PCLO: variants seen among roughly 807,000 people sequenced by gnomAD.
The protein encoded by PCLO is protein piccolo.
Under a neutral mutation model 427.5 loss-of-function variants are expected in PCLO, and 82 were observed. The observed-to-expected ratio is 0.19, with a 90% CI of 0.16 to 0.23. PCLO has a LOEUF of 0.23. Ranked by LOEUF, PCLO falls within the 10% of genes least tolerant of loss-of-function variation. The pLI is 1.00. For synonymous variants in PCLO, 2,357 were observed against 2,155.4 expected (o/e 1.09, Z -2.59); for missense variants, 6,239 against 6,115.9 (o/e 1.02, Z -0.67).
intron 3 of PCLO, among the ~76,000 whole-genome samples, chr7:83,066,788 A>C (rs769280213): frequency 3.9e-5 from 6 of 152,172 alleles, no homozygotes; most frequent in Non-Finnish European, 7.4e-5. Context: ...GGAAAAATAA[A>C]AATAATACGG....
chr7:82,794,924 T>C (rs1392281177), intron 22 of PCLO, among the ~76,000 whole-genome samples: 2 of 152,242 alleles, frequency 1.3e-5, no homozygotes, highest in East Asian at 3.9e-4. Flanking sequence ...GCTTTTATTT[T>C]TGGTTTATTT....
chr7:82,895,438 C>T (rs367692757), intron 9 of PCLO, among the ~76,000 whole-genome samples: 5 of 151,442 alleles, frequency 3.3e-5, no homozygotes, highest in African/African-American at 9.7e-5. Flanking sequence ...TAACTAACTA[C>T]AAAATAAATG....
intron 22 of PCLO, among the ~76,000 whole-genome samples, chr7:82,800,793 G>A (rs1046742149): frequency 5.3e-5 from 8 of 151,590 alleles, no homozygotes; most frequent in Non-Finnish European, 7.4e-5. Flanking sequence ...ATGGGGTTTC[G>A]CCATGTTGGT....
At chr7:83,070,751 A>C (rs28651465) in intron 3 of PCLO, among the ~76,000 whole-genome samples, 35,663 of 152,078 alleles carry the variant, frequency 0.23, 4,752 homozygotes, top group East Asian at 0.55. Flanking sequence ...CACACTAAAC[A>C]GTGACAACAG....
chr7:82,852,828 C>T (rs1484041722), intron 10 of PCLO, among the ~76,000 whole-genome samples: 1 of 152,012 alleles, frequency 6.6e-6, no homozygotes, highest in Admixed American at 6.6e-5. Flanking sequence ...TTATTCTCTC[C>T]AACTGTATTT....
intron 3 of PCLO, among the ~76,000 whole-genome samples, chr7:83,112,269 G>T (rs1172741777): frequency 6.6e-6 from 1 of 152,068 alleles, no homozygotes; most frequent in Non-Finnish European, 1.5e-5. Flanking sequence ...TGTTGGTCAG[G>T]CTGGTCTCGA....
chr7:83,083,620 T>A (rs10264158), intron 3 of PCLO, among the ~76,000 whole-genome samples: 3,621 of 152,056 alleles, frequency 0.024, 151 homozygotes, highest in African/African-American at 0.083. Context: ...ATGGATAAAT[T>A]ATAATCACCA....
intron 4 of PCLO, among the ~76,000 whole-genome samples, chr7:82,964,577 G>T (rs1795723023): frequency 2.0e-5 from 3 of 152,116 alleles, no homozygotes; most frequent in Non-Finnish European, 4.4e-5. Flanking sequence ...AGTCAAAGTA[G>T]ATTTCATAAA....
chr7:82,789,436 T>G (rs1791053030), intron 22 of PCLO, among the ~76,000 whole-genome samples: 1 of 152,210 alleles, frequency 6.6e-6, no homozygotes, highest in Admixed American at 6.5e-5. Flanking sequence ...CCAGGCACAG[T>G]GGCTCATGCC....
chr7:83,160,305 T>A lies in PCLO; in HGVS notation c.248+2040A>T, dbSNP rs181355711. Among the ~76,000 whole-genome samples the A allele has an allele frequency of 5.1e-3, 776 of 152,236 alleles. 7 individuals carry two copies. Among genetic ancestry groups the A allele is most frequent in the African/African-American group, 0.018 (734 of 41,574 alleles). On this transcript the variant is annotated intron_variant, in intron 1 of 24. Transcript: ENST00000333891. ...ATAGGATAAAAACCCATGCTGTCAA[T>A]CTTTATTTTTAAAATTCTATGTTCA...
In PCLO at chr7:82,916,847, G is replaced by A. The variant is rs987999926; in HGVS notation, c.11139C>T (p.Ser3713=). The change falls in exon 7 of 25, where the codon TCC becomes TCT. Residue 3713 remains serine, a synonymous_variant. Coordinates refer to ENST00000333891, the MANE Select transcript of PCLO (RefSeq NM_033026.6). Reference sequence around the variant, plus strand: ...TTTTAACTTTTTTCTGGGCTCCAGAGGATGTCATGGTTTGAGAACCTTTAG... The same window carrying A: ...TTTTAACTTTTTTCTGGGCTCCAGAAGATGTCATGGTTTGAGAACCTTTAG... ...YTTKGSQTMT[S]SGAQKKVKRT... 6.2e-7 allele frequency: 1 copy of A among 1,612,852 alleles called. No individual in the cohort carries two copies. The highest frequency in any genetic ancestry group is 8.5e-7 in the Non-Finnish European group (1 of 1,179,284).
At chr7:82,974,178 G>A (rs1472291621) in intron 3 of PCLO, among the ~76,000 whole-genome samples, 3 of 151,302 alleles carry the variant, frequency 2.0e-5, no homozygotes, top group East Asian at 3.9e-4. Flanking sequence ...CTTGAGGTCA[G>A]GAGTTTGAGA....
At chr7:82,819,242 T>C (rs1251004513) in intron 20 of PCLO, among the ~76,000 whole-genome samples, 1 of 152,106 alleles carries the variant, frequency 6.6e-6, no homozygotes, top group African/African-American at 2.4e-5. Flanking sequence ...TTCCTTTCAA[T>C]TATGATTTTA....
chr7:82,980,325 G>T (rs1442791164), intron 3 of PCLO, among the ~76,000 whole-genome samples: 1 of 152,116 alleles, frequency 6.6e-6, no homozygotes, highest in African/African-American at 2.4e-5. Context: ...CATTGCAGGA[G>T]TGGTGTCACC....
intron 2 of PCLO, among the ~76,000 whole-genome samples, chr7:83,137,221 T>C (rs750306218): frequency 6.6e-6 from 1 of 152,238 alleles, no homozygotes; most frequent in Non-Finnish European, 1.5e-5. Flanking sequence ...CTAAACATTT[T>C]AAAACTTCTT....
At chr7:83,084,323 G>T (rs914562267) in intron 3 of PCLO, among the ~76,000 whole-genome samples, 1 of 151,972 alleles carries the variant, frequency 6.6e-6, no homozygotes, top group Non-Finnish European at 1.5e-5. Flanking sequence ...TAAGGCTCAA[G>T]TATATAAAAA....
chr7:82,915,271 C>T lies in PCLO; in HGVS notation c.12715G>A (p.Asp4239Asn). The change falls in exon 7 of 25, where the codon GAT becomes AAT. Residue 4239 changes from aspartate to asparagine, a missense_variant. By Grantham distance (23) the Asp-to-Asn change is conservative (BLOSUM62 1). Transcript: ENST00000333891. ...GISSRARLLQDDITFGLRKNI... is the reference protein window; with the variant it reads ...GISSRARLLQNDITFGLRKNI... ...TTTCTGAGGCCAAAAGTGATGTCATCTTGAAGGAGCCTTGCCCTGGAGGAA... is the reference window on the plus strand; with the variant it reads ...TTTCTGAGGCCAAAAGTGATGTCATTTTGAAGGAGCCTTGCCCTGGAGGAA... The T allele has an allele frequency of 6.2e-7, 1 of 1,613,596 alleles. No individual in the cohort carries two copies. Among genetic ancestry groups the T allele is most frequent in the Non-Finnish European group, 8.5e-7 (1 of 1,179,736 alleles).
intron 22 of PCLO, among the ~76,000 whole-genome samples, chr7:82,773,067 T>C (rs1390349556): frequency 6.6e-6 from 1 of 152,072 alleles, no homozygotes; most frequent in African/African-American, 2.4e-5. Flanking sequence ...CGAAACAAGG[T>C]TGTTTCCTGA....
At chr7:82,881,239 C>T (rs1012841797) in intron 9 of PCLO, among the ~76,000 whole-genome samples, 1 of 152,092 alleles carries the variant, frequency 6.6e-6, no homozygotes, top group East Asian at 1.9e-4. Context: ...AGTTGTGGAA[C>T]TTCAAAATCT....
Sources: gnomAD v4.1 joint callset for allele counts (sites outside exome capture counted in the v4.1 genomes callset) on GRCh38, gnomAD v4.1.1 for gene constraint, MANE v1.5 for transcripts, NCBI Gene and HGNC (gene_info 2026-07-23, HGNC 2026-07-21) for gene names.